The following BCKDK variants were observed in gnomAD, a reference collection of about 807,000 sequenced individuals.
The protein encoded by BCKDK is branched-chain alpha-ketoacid dehydrogenase kinase.
BCKDK carries 28 observed loss-of-function variants against 43.9 expected under a neutral mutation model. The observed-to-expected ratio is 0.64, with a 90% confidence interval of 0.47 to 0.87. The LOEUF (loss-of-function observed/expected upper bound fraction) is 0.87, where lower values mean the gene tolerates loss of function less well. Among genes scored for constraint, BCKDK ranks in the 40% least tolerant of loss-of-function variants. BCKDK has a pLI of 0.00. For synonymous variants in BCKDK, 257 were observed against 234.3 expected, an observed-to-expected ratio of 1.10 and a Z score of -0.88; for missense variants, 483 against 581.4, an observed-to-expected ratio of 0.83 and a Z score of 1.74.
Position 31,109,691 on chromosome 16 carries a change from C to T in BCKDK, c.283C>T (p.Gln95Ter). The T allele has an allele frequency of 4.3e-6, 7 of 1,614,040 alleles. No individual in the cohort carries two copies. Among genetic ancestry groups the T allele is most frequent in the Non-Finnish European group, 5.9e-6 (7 of 1,180,022 alleles). Residue 95 changes from glutamine (Q) to a stop codon, truncating the protein, a stop_gained, in exon 4 of 12, where the codon CAG becomes TAG. Coordinates refer to ENST00000219794, the MANE Select transcript of BCKDK (RefSeq NM_005881.4). LOFTEE classifies it high-confidence loss of function. The surrounding 1 kb of genome is among the most constrained non-coding windows in gnomAD (Gnocchi z 5.3). ...CTCCCAGAAAAGTGCTCGGTACCTG[C>T]AGCAAGAACTTCCAGTGAGGATTGC... ...SHLLKSARYL[Q>*]QELPVRIAHR...
At chr16:31,113,414 C>G (rs574921558), downstream of BCKDK, among the ~76,000 whole-genome samples, 181 of 152,324 alleles carry the variant, frequency 1.2e-3, no homozygotes, top group African/African-American at 4.2e-3. Flanking sequence ...GCTGGAGAGG[C>G]AGGCAGCAGT....
Position 31,112,235 on chromosome 16 carries a change from C to G in BCKDK, c.1209C>G (p.Ile403Met). ...ACGTCTACCTGCGGCTCCGCCACATCGATGGCCGGGAGGAAAGCTTCCGGA... is the reference window on the plus strand; with the variant it reads ...ACGTCTACCTGCGGCTCCGCCACATGGATGGCCGGGAGGAAAGCTTCCGGA... ...GTDVYLRLRHIDGREESFRI is the reference protein window; with the variant it reads ...GTDVYLRLRHMDGREESFRI Residue 403 changes from isoleucine to methionine, a missense_variant, in exon 12 of 12, where the codon ATC (isoleucine) becomes ATG (methionine). Coordinates refer to ENST00000219794, the MANE Select transcript of BCKDK (RefSeq NM_005881.4). The surrounding 1 kb of genome is among the most constrained non-coding windows in gnomAD (Gnocchi z 5.0). 1 of 1,611,012 alleles carries G rather than the reference C, an allele frequency of 6.2e-7. No individual in the cohort carries two copies. The highest frequency in any genetic ancestry group is 8.5e-7 in the Non-Finnish European group (1 of 1,179,998).
chr16:31,113,422 A>G (rs1418326169), downstream of BCKDK, among the ~76,000 whole-genome samples: 1 of 152,230 alleles, frequency 6.6e-6, no homozygotes, highest in Non-Finnish European at 1.5e-5. Flanking sequence ...GGCAGGCAGC[A>G]GTCAGAGGCC....
chr16:31,112,524 A>C lies in BCKDK; in HGVS notation c.*259A>C. On this transcript the variant is annotated 3_prime_UTR_variant, in exon 12 of 12. Coordinates refer to ENST00000219794, the MANE Select transcript of BCKDK (RefSeq NM_005881.4). This position sits in a 1 kb window ranked among gnomAD's most constrained non-coding sequence, Gnocchi z 5.0. Reference sequence around the variant, plus strand: ...GTTCCGTCATTCTCGTTCCTGGGGAACCCCCACTCTGACCTGTTATTAAAG... The same window carrying C: ...GTTCCGTCATTCTCGTTCCTGGGGACCCCCCACTCTGACCTGTTATTAAAG... The C allele has an allele frequency of 1.7e-6, 1 of 598,596 alleles. No homozygotes were observed. Among genetic ancestry groups the C allele is most frequent in the Non-Finnish European group, 3.0e-6 (1 of 335,154 alleles). The allele number at this position is 598,596 out of a possible 1,614,324, so 37.1% of individuals were successfully genotyped here.
In BCKDK at chr16:31,109,764, A is replaced by AC. The variant is rs1389800137; in HGVS notation, c.360dup (p.Thr121HisfsTer7). Reference sequence around the variant, plus strand: ...TGCCTTCCTTTCATCATTGGCTGCAACCCCACCATACTGCACGTGGTAAGG... The same window carrying AC: ...TGCCTTCCTTTCATCATTGGCTGCAACCCCCACCATACTGCACGTGGTAAGG... On this transcript the variant is annotated frameshift_variant, in exon 4 of 12. Coordinates refer to ENST00000219794, the MANE Select transcript of BCKDK (RefSeq NM_005881.4). LOFTEE classifies it high-confidence loss of function. The surrounding 1 kb of genome is among the most constrained non-coding windows in gnomAD (Gnocchi z 5.3). The AC allele has an allele frequency of 6.2e-7, 1 of 1,613,554 alleles. No homozygotes were observed. Among genetic ancestry groups the AC allele is most frequent in the South Asian group, 1.1e-5 (1 of 91,058 alleles).
chr16:31,109,298 C>G lies in BCKDK; in HGVS notation c.75C>G (p.Leu25=). The change falls in exon 2 of 12, where the codon CTC becomes CTG. Residue 25 remains leucine, a synonymous_variant. Transcript: ENST00000219794. This position sits in a 1 kb window ranked among gnomAD's most constrained non-coding sequence, Gnocchi z 5.3. The part of the protein sequence containing the change: ...LPLRPLLGPA[L]ALRARSTSAT... ...TCCGGCCCCTCCTGGGACCCGCACT[C>G]GCGCTCCGGGCCCGCTCGACGTCGG... 1 of 1,604,796 alleles carries G rather than the reference C, an allele frequency of 6.2e-7. No individual in the cohort carries two copies. The highest frequency in any genetic ancestry group is 8.5e-7 in the Non-Finnish European group (1 of 1,175,672).
chr16:31,110,985 A>G lies in BCKDK; in HGVS notation c.717-106A>G. The G allele has an allele frequency of 6.5e-7, 1 of 1,544,960 alleles. No individual in the cohort carries two copies. The highest frequency in any genetic ancestry group is 1.2e-5 in the South Asian group (1 of 81,666). ...AGTACTGCCTAGTTGTGACAAACAA[A>G]AATGTCTCTGCACATTGCCATATGT... On this transcript the variant is annotated intron_variant, in intron 8 of 11. Transcript: ENST00000219794. This position sits in a 1 kb window ranked among gnomAD's most constrained non-coding sequence, Gnocchi z 5.4.
downstream of BCKDK, among the ~76,000 whole-genome samples, chr16:31,114,992 T>A (rs1374595556): frequency 1.3e-5 from 2 of 151,996 alleles, no homozygotes; most frequent in Non-Finnish European, 2.9e-5. Context: ...TGGCGCGATC[T>A]CGGCTCACTG....
In BCKDK at chr16:31,111,977, C is replaced by T; in HGVS notation, c.1044C>T (p.Leu348=). ...ASTQDPRISP[L]FGHLDMHSGA... Reference sequence around the variant, plus strand: ...CACAGGACCCCCGGATCAGCCCCCTCTTTGGCCATCTGGACATGCATAGTG... The same window carrying T: ...CACAGGACCCCCGGATCAGCCCCCTTTTTGGCCATCTGGACATGCATAGTG... The change falls in exon 11 of 12, where the codon CTC becomes CTT. Residue 348 remains leucine, a synonymous_variant. Transcript: ENST00000219794. 6 of 1,614,154 alleles carry T rather than the reference C, an allele frequency of 3.7e-6. No homozygotes were observed. Among genetic ancestry groups the T allele is most frequent in the Non-Finnish European group, 5.1e-6 (6 of 1,180,032 alleles).
Position 31,110,635 on chromosome 16 carries a change from T to C in BCKDK, c.643-53T>C. On this transcript the variant is annotated intron_variant, in intron 7 of 11. Transcript: ENST00000219794. The surrounding 1 kb of genome is among the most constrained non-coding windows in gnomAD (Gnocchi z 5.4). ...TGGGGCAGTTCCGAAGTTGCCAGCATCTTGGGGTGGGGCTAGGGGCGTGGG... is the reference window on the plus strand; with the variant it reads ...TGGGGCAGTTCCGAAGTTGCCAGCACCTTGGGGTGGGGCTAGGGGCGTGGG... 1 of 1,602,104 alleles carries C rather than the reference T, an allele frequency of 6.2e-7. No individual in the cohort carries two copies. The highest frequency in any genetic ancestry group is 1.1e-5 in the South Asian group (1 of 90,800).
downstream of BCKDK, chr16:31,117,511 C>T (rs938583180): frequency 8.5e-6 from 4 of 473,352 alleles, no homozygotes; most frequent in Admixed American, 1.3e-4. Flanking sequence ...AAGACTGCCG[C>T]ACACTCAACA....
At position 31,109,397 on chromosome 16, in the gene BCKDK, C is replaced by T; in HGVS notation, c.174C>T (p.Ala58=). The T allele has an allele frequency of 6.2e-7, 1 of 1,608,070 alleles. No homozygotes were observed. The change falls in exon 2 of 12, where the codon GCC becomes GCT. Residue 58 remains alanine, a synonymous_variant. Transcript: ENST00000219794. The surrounding 1 kb of genome is among the most constrained non-coding windows in gnomAD (Gnocchi z 5.3). Reference sequence around the variant, plus strand: ...TCACCTCCTTTTACAACCAGTCGGCCATCGACGCGGCAGCGGAGAAGGTGC... The same window carrying T: ...TCACCTCCTTTTACAACCAGTCGGCTATCGACGCGGCAGCGGAGAAGGTGC... ...KTVTSFYNQS[A]IDAAAEKPSV...
At chr16:31,111,780 AG>A (rs1227825789) in intron 10 of BCKDK, 88 bp from the exon 11 acceptor site, 202 of 1,537,404 alleles carry the variant, frequency 1.3e-4, no homozygotes, top group Non-Finnish European at 1.7e-4. Context: ...TGGAAGGAAC[AG>A]GAAGGCAGAC....
chr16:31,109,145 C>A lies in BCKDK; in HGVS notation c.-79C>A. On this transcript the variant is annotated 5_prime_UTR_variant, in exon 2 of 12. Coordinates refer to ENST00000219794, the MANE Select transcript of BCKDK (RefSeq NM_005881.4). This position sits in a 1 kb window ranked among gnomAD's most constrained non-coding sequence, Gnocchi z 5.3. ...CCCCTACCCACCCACACCCCCTTGC[C>A]CCATTTTGGGTCGCCTGGGTCCTCA... 2 of 1,346,598 alleles carry A rather than the reference C, an allele frequency of 1.5e-6. No individual in the cohort carries two copies. The highest frequency in any genetic ancestry group is 3.1e-5 in the Admixed American group (1 of 31,788). 83.4% of individuals were successfully genotyped at this position (1,346,598 alleles called of 1,614,324 possible). A position where few individuals can be genotyped will look rare whatever the true frequency, so the allele number is the denominator to read the frequency against.
rs1463942453 is a variant in BCKDK at position 31,110,742 on chromosome 16, A to C, written c.697A>C (p.Lys233Gln). 2 of 1,614,000 alleles carry C rather than the reference A, an allele frequency of 1.2e-6. No homozygotes were observed. The highest frequency in any genetic ancestry group is 4.5e-5 in the East Asian group (2 of 44,870). The change falls in exon 8 of 12, where the codon AAG (lysine) becomes CAG (glutamine). Residue 233 changes from lysine to glutamine, a missense_variant. Lys to Gln is a moderately conservative substitution (Grantham distance 53). Transcript: ENST00000219794. This position sits in a 1 kb window ranked among gnomAD's most constrained non-coding sequence, Gnocchi z 5.4. ...TCTCTCACCAAAGAAGATTATTGAG[A>C]AGTGGGTGGACTTTGCCAGGTGAGG... ...TRLSPKKIIE[K>Q]WVDFARRLCE... is the part of the protein sequence containing the mutation.
chr16:31,110,990 T>C lies in BCKDK; in HGVS notation c.717-101T>C. On this transcript the variant is annotated intron_variant, in intron 8 of 11. Coordinates refer to ENST00000219794, the MANE Select transcript of BCKDK (RefSeq NM_005881.4). This position sits in a 1 kb window ranked among gnomAD's most constrained non-coding sequence, Gnocchi z 5.4. Reference sequence around the variant, plus strand: ...TGCCTAGTTGTGACAAACAAAAATGTCTCTGCACATTGCCATATGTTACTT... The same window carrying C: ...TGCCTAGTTGTGACAAACAAAAATGCCTCTGCACATTGCCATATGTTACTT... The C allele has an allele frequency of 1.3e-6, 2 of 1,551,860 alleles. No individual in the cohort carries two copies. The highest frequency in any genetic ancestry group is 1.7e-6 in the Non-Finnish European group (2 of 1,144,074).
At position 31,110,732 on chromosome 16, in the gene BCKDK, GATT is replaced by G; in HGVS notation, c.691_693del (p.Ile231del). ...TCTGTACTCGTCTCTCACCAAAGAAGATTATTGAGAAGTGGGTGGACTTTGCCA... is the reference window on the plus strand; with the variant it reads ...TCTGTACTCGTCTCTCACCAAAGAAGATTGAGAAGTGGGTGGACTTTGCCA... On this transcript the variant is annotated inframe_deletion, in exon 8 of 12. Transcript: ENST00000219794. This position sits in a 1 kb window ranked among gnomAD's most constrained non-coding sequence, Gnocchi z 5.4. The G allele has an allele frequency of 1.9e-6, 3 of 1,614,134 alleles. No homozygotes were observed. The highest frequency in any genetic ancestry group is 2.5e-6 in the Non-Finnish European group (3 of 1,180,014).
At position 31,110,763 on chromosome 16, in the gene BCKDK, T is replaced by C; in HGVS notation, c.716+2T>C. The C allele has an allele frequency of 3.1e-6, 5 of 1,613,758 alleles. No individual in the cohort carries two copies. Among genetic ancestry groups the C allele is most frequent in the Non-Finnish European group, 4.2e-6 (5 of 1,179,796 alleles). On this transcript the variant is annotated splice_donor_variant, in intron 8 of 11. Coordinates refer to ENST00000219794, the MANE Select transcript of BCKDK (RefSeq NM_005881.4). LOFTEE classifies it high-confidence loss of function. This position sits in a 1 kb window ranked among gnomAD's most constrained non-coding sequence, Gnocchi z 5.4. ...TGAGAAGTGGGTGGACTTTGCCAGG[T>C]GAGGCAAGAATGGCTCAGGGGGTGG...
Position 31,112,379 on chromosome 16 carries a change from G to A in BCKDK, c.*114G>A, listed in dbSNP as rs2057421460. 1 of 1,518,220 alleles carries A rather than the reference G, an allele frequency of 6.6e-7. No individual in the cohort carries two copies. The highest frequency in any genetic ancestry group is 9.0e-7 in the Non-Finnish European group (1 of 1,114,792). 94.0% of individuals were successfully genotyped at this position (1,518,220 alleles called of 1,614,324 possible). On this transcript the variant is annotated 3_prime_UTR_variant, in exon 12 of 12. Transcript: ENST00000219794. This position sits in a 1 kb window ranked among gnomAD's most constrained non-coding sequence, Gnocchi z 5.0. ...ACACACTGCTGCATCTTGGGTCTCA[G>A]GGACCCAGACAGATGGACTTACATG...
Sources: gnomAD v4.1 joint callset for allele counts (sites outside exome capture counted in the v4.1 genomes callset) on GRCh38, gnomAD v4.1.1 for gene constraint, Gnocchi (gnomAD v3.1) non-coding constraint, MANE v1.5 for transcripts, NCBI Gene and HGNC (gene_info 2026-07-23, HGNC 2026-07-21) for gene names.